Variants in CPQ observed in about 807,000 individuals in gnomAD.
CPQ encodes carboxypeptidase Q, also known as Ser-Met dipeptidase.
A neutral mutation model predicts 45.7 loss-of-function variants in CPQ; 37 were observed. The ratio of observed to expected loss-of-function variants is 0.81; its 90% CI spans 0.62 to 1.07. The LOEUF (loss-of-function observed/expected upper bound fraction) is 1.07, where lower values mean the gene tolerates loss of function less well. Ranked by LOEUF, CPQ falls within the 50% of genes least tolerant of loss-of-function variation. The pLI is 0.00. For missense variants in CPQ, 537 were observed against 572.9 expected, an observed-to-expected ratio of 0.94 and a Z score of 0.64; for synonymous variants, 186 against 205.8, an observed-to-expected ratio of 0.90 and a Z score of 0.82.
At position 97,066,161 on chromosome 8, in the gene CPQ, C is replaced by G. The variant is rs555514337; in HGVS notation, c.1206C>G (p.Ser402Arg). The G allele has an allele frequency of 6.2e-7, 1 of 1,611,184 alleles. No homozygotes were observed. The highest frequency in any genetic ancestry group is 2.2e-5 in the East Asian group (1 of 44,840). Residue 402 changes from serine (S) to arginine (R), a missense_variant, in exon 7 of 8, where the codon AGC becomes AGG. By Grantham distance (110) the Ser-to-Arg change is moderately radical. Coordinates refer to ENST00000220763, the MANE Select transcript of CPQ (RefSeq NM_016134.4). ...CCCTCAATATCACTCAGGTCCTGAGCCATGGAGAAGGGACAGACATCAACT... is the reference window on the plus strand; with the variant it reads ...CCCTCAATATCACTCAGGTCCTGAGGCATGGAGAAGGGACAGACATCAACT... ...LQPLNITQVL[S>R]HGEGTDINFW...
At chr8:96,753,810 C>A (rs1339385897) in intron 1 of CPQ, among the ~76,000 whole-genome samples, 1 of 151,768 alleles carries the variant, frequency 6.6e-6, no homozygotes, top group Non-Finnish European at 1.5e-5. Flanking sequence ...GACATCCTTA[C>A]CTTCCTCCTG....
At chr8:96,718,379 G>T (rs560994308) in intron 1 of CPQ, among the ~76,000 whole-genome samples, 1 of 152,226 alleles carries the variant, frequency 6.6e-6, no homozygotes, top group African/African-American at 2.4e-5. Flanking sequence ...TGGGTTCGTG[G>T]TCTCACTGGC....
chr8:96,879,726 T>C, intron 3 of CPQ, 72 bp from the exon 4 acceptor site: 3 of 1,055,028 alleles, frequency 2.8e-6, no homozygotes, highest in East Asian at 2.4e-5. Flanking sequence ...AATATCAATA[T>C]ACAGGTGCTT....
chr8:97,082,042 A>G (rs918464271), intron 7 of CPQ, among the ~76,000 whole-genome samples: 18 of 152,246 alleles, frequency 1.2e-4, no homozygotes, highest in African/African-American at 3.1e-4. Flanking sequence ...ATATTAGTCT[A>G]GATTCCTACA....
Position 97,007,998 on chromosome 8 carries a change from C to T in CPQ, c.962-21405C>T, listed in dbSNP as rs1176104628. Among the ~76,000 whole-genome samples, 8 of 152,160 alleles carry T rather than the reference C, an allele frequency of 5.3e-5. No individual in the cohort carries two copies. The South Asian group carries it at 1.7e-3, about 32-fold the overall frequency. ...CAAAGTACTCCCCAGGTTCAAGGCT[C>T]AAAAATGAATAAATCAACATGCTTA... On this transcript the variant is annotated intron_variant, in intron 5 of 7. Coordinates refer to ENST00000220763, the MANE Select transcript of CPQ (RefSeq NM_016134.4).
intron 2 of CPQ, among the ~76,000 whole-genome samples, chr8:96,833,422 T>C (rs969706777): frequency 6.6e-6 from 1 of 152,188 alleles, no homozygotes; most frequent in South Asian, 2.1e-4. Context: ...GCTTCATTTC[T>C]AGTGGCTCCA....
intron 5 of CPQ, among the ~76,000 whole-genome samples, chr8:97,014,545 G>T (rs1209747885): frequency 6.6e-6 from 1 of 151,560 alleles, no homozygotes; most frequent in African/African-American, 2.4e-5. Context: ...TGGAGGCAGA[G>T]GCATGAGAAT....
At chr8:96,821,889 CTCACATACT>C (rs1811312314) in intron 2 of CPQ, among the ~76,000 whole-genome samples, 1 of 151,874 alleles carries the variant, frequency 6.6e-6, no homozygotes, top group Non-Finnish European at 1.5e-5. Flanking sequence ...TATCCATTAC[CTCACATACT>C]TAACATTTTT....
At chr8:96,977,983 A>T (rs2853269) in intron 5 of CPQ, among the ~76,000 whole-genome samples, 75,726 of 151,792 alleles carry the variant, frequency 0.5, 21,041 homozygotes, top group African/African-American at 0.77. Context: ...ATAAAAAAAA[A>T]TTTTTTAAAA....
intron 7 of CPQ, among the ~76,000 whole-genome samples, chr8:97,124,094 T>C (rs1221325211): frequency 6.6e-6 from 1 of 151,522 alleles, no homozygotes; most frequent in African/African-American, 2.4e-5. Context: ...GACTTGGTGG[T>C]GGACACCTGT....
chr8:96,750,271 T>A (rs1437781781), intron 1 of CPQ, among the ~76,000 whole-genome samples: 1 of 151,962 alleles, frequency 6.6e-6, no homozygotes, highest in Non-Finnish European at 1.5e-5. Flanking sequence ...GAAATAATTT[T>A]TTCAAACTAT....
intron 5 of CPQ, among the ~76,000 whole-genome samples, chr8:97,028,542 C>T (rs1809839435): frequency 6.6e-6 from 1 of 152,202 alleles, no homozygotes; most frequent in Non-Finnish European, 1.5e-5. Context: ...CTCAGAAATG[C>T]CATTATCAGT....
intron 1 of CPQ, among the ~76,000 whole-genome samples, chr8:96,651,998 GCT>G (rs1586345266): frequency 2.6e-5 from 4 of 152,192 alleles, no homozygotes; most frequent in South Asian, 4.1e-4. Flanking sequence ...TTTGAAATTT[GCT>G]CTCTTAGCAA....
chr8:96,717,144 C>A (rs1393842551), intron 1 of CPQ, among the ~76,000 whole-genome samples: 2 of 142,936 alleles, frequency 1.4e-5, no homozygotes, highest in Non-Finnish European at 3.0e-5. Context: ...GGCGTTGGGG[C>A]TGTTACATAT....
rs183177985 is a variant in CPQ at position 96,920,130 on chromosome 8, A to C, written c.849+40125A>C. On this transcript the variant is annotated intron_variant, in intron 4 of 7. Transcript: ENST00000220763. ...TTTGTTATATATATCATGACAGTTA[A>C]TACAATGCTGAGCGAATATTTGATG... Among the ~76,000 whole-genome samples, 320 of 152,290 alleles carry C rather than the reference A, an allele frequency of 2.1e-3. 1 individual carries two copies. The highest frequency in any genetic ancestry group is 6.8e-3 in the Middle Eastern group (2 of 294).
chr8:97,028,367 G>A (rs1809836701), intron 5 of CPQ, among the ~76,000 whole-genome samples: 1 of 152,204 alleles, frequency 6.6e-6, no homozygotes, highest in Admixed American at 6.5e-5. Flanking sequence ...ACACACCTGG[G>A]TGGCAGCACA....
At chr8:96,922,749 T>A (rs1476894035) in intron 4 of CPQ, among the ~76,000 whole-genome samples, 1 of 152,242 alleles carries the variant, frequency 6.6e-6, no homozygotes, top group African/African-American at 2.4e-5. Flanking sequence ...GTAGCAATTT[T>A]AACCAAATTC....
At chr8:96,669,849 T>C (rs1368293726) in intron 1 of CPQ, among the ~76,000 whole-genome samples, 1 of 152,218 alleles carries the variant, frequency 6.6e-6, no homozygotes, top group Non-Finnish European at 1.5e-5. Flanking sequence ...GTAAAACTGC[T>C]GTGAATGCTG....
In CPQ at chr8:96,836,414, A is replaced by G. The variant is rs1586420390; in HGVS notation, c.641+1234A>G. 2.0e-5 allele frequency among the ~76,000 whole-genome samples: 3 copies of G among 152,200 alleles called. No homozygotes were observed. In the South Asian group the frequency reaches 6.2e-4, roughly 31 times the overall value. ...GGAGGATGGGGCATGTTAAAACTAC[A>G]TGTTAGAAAGTTATACGACTAGTTA... On this transcript the variant is annotated intron_variant, in intron 3 of 7. Transcript: ENST00000220763.
Sources: allele counts gnomAD v4.1 joint callset (sites outside exome capture counted in the v4.1 genomes callset), GRCh38; gene constraint gnomAD v4.1.1; transcripts MANE v1.5; gene names NCBI Gene and HGNC (gene_info 2026-07-23, HGNC 2026-07-21).